The following SNAPC3 variants were observed in gnomAD, a reference collection of about 807,000 sequenced individuals.
SNAPC3 encodes small nuclear RNA activating complex polypeptide 3.
A neutral mutation model predicts 47.7 loss-of-function variants in SNAPC3; 56 were observed. The observed-to-expected ratio is 1.18, with a 90% CI of 0.95 to 1.47. The LOEUF is 1.47. Among genes scored for constraint, SNAPC3 ranks in the 40% most tolerant of loss-of-function variants. The pLI is 0.00. For missense variants in SNAPC3, 665 were observed against 511.3 expected, an observed-to-expected ratio of 1.30 and a Z score of -2.90; for synonymous variants, 235 against 189.9, an observed-to-expected ratio of 1.24 and a Z score of -1.95.
chr9:15,466,685 G>GAACTGTGATTAAAAACCTGAATAATAA, downstream of SNAPC3: 1 of 1,307,890 alleles, frequency 7.6e-7, no homozygotes, highest in African/African-American at 1.5e-5. Context: ...CCTTGGAACA[G>GAACTGTGATTAAAAACCTGAATAATAA]AACTGTGATT....
chr9:15,423,244 G>T (rs748306656), intron 1 of SNAPC3, 51 bp downstream of exon 1: 1 of 1,493,286 alleles, frequency 6.7e-7, no homozygotes, highest in Non-Finnish European at 8.9e-7. Flanking sequence ...ACAGGGTGCA[G>T]CCTTGCTCGT....
intron 3 of SNAPC3, among the ~76,000 whole-genome samples, chr9:15,440,274 C>T (rs1369619508): frequency 6.6e-6 from 1 of 152,158 alleles, no homozygotes; most frequent in Non-Finnish European, 1.5e-5. Context: ...TAGCAGTATT[C>T]TTTATTTCTT....
downstream of SNAPC3, chr9:15,462,294 CTAT>C (rs1262703666): frequency 6.6e-6 from 1 of 152,086 alleles, no homozygotes; most frequent in Non-Finnish European, 1.5e-5. Context: ...ACTCAGGTAC[CTAT>C]TATTGTTCCC....
chr9:15,442,460 G>A (rs1324372722), intron 3 of SNAPC3, among the ~76,000 whole-genome samples: 77 of 151,206 alleles, frequency 5.1e-4, no homozygotes, highest in Non-Finnish European at 8.0e-4. Flanking sequence ...CAGACGGGGC[G>A]GCTGCTGGGC....
intron 3 of SNAPC3, among the ~76,000 whole-genome samples, chr9:15,437,359 A>G (rs2032920366): frequency 6.6e-6 from 1 of 151,908 alleles, no homozygotes; most frequent in Admixed American, 6.6e-5. Context: ...CAGCCTCCTG[A>G]GTAGCTGGGA....
chr9:15,447,187 C>G lies in SNAPC3; in HGVS notation c.675C>G (p.Leu225=). 6.2e-7 allele frequency: 1 copy of G among 1,614,046 alleles called. No individual in the cohort carries two copies. Among genetic ancestry groups the G allele is most frequent in the Non-Finnish European group, 8.5e-7 (1 of 1,179,908 alleles). ...LRDSIRCVSD[L]QIGGEFSNTP... is the part of the protein sequence containing the mutation. ...ATTCAATTCGATGTGTCAGTGACCT[C>G]CAGATTGGTGGTGAATTCAGCAACA... Residue 225 remains leucine (L), a synonymous_variant, in exon 5 of 9, where the codon CTC becomes CTG. Transcript: ENST00000380821.
chr9:15,433,491 T>C, intron 2 of SNAPC3, 61 bp from the exon 3 acceptor site: 1 of 1,036,284 alleles, frequency 9.6e-7, no homozygotes, highest in Non-Finnish European at 1.5e-6. Context: ...AAATATGTTT[T>C]TGAAGCCCGA....
chr9:15,464,406 T>C (rs539021133), downstream of SNAPC3: 3 of 197,168 alleles, frequency 1.5e-5, no homozygotes, highest in Admixed American at 1.2e-4. Flanking sequence ...ATTCAAAATA[T>C]CTTAGAAATG....
rs149861385 is a variant in SNAPC3 at position 15,457,056 on chromosome 9, G to A, written c.981-904G>A. On this transcript the variant is annotated intron_variant, in intron 7 of 8. Coordinates refer to ENST00000380821, the MANE Select transcript of SNAPC3 (RefSeq NM_001039697.2). ...TTTAAAGGATTTACCCAAAGCCATGGAGCTGATTAGTGGCAGAGTAGAGAT... is the reference window on the plus strand; with the variant it reads ...TTTAAAGGATTTACCCAAAGCCATGAAGCTGATTAGTGGCAGAGTAGAGAT... Among the ~76,000 whole-genome samples, 472 of 152,204 alleles carry A rather than the reference G, an allele frequency of 3.1e-3. 2 individuals are homozygous for A. The highest frequency in any genetic ancestry group is 0.01 in the Middle Eastern group (3 of 294).
intron 3 of SNAPC3, among the ~76,000 whole-genome samples, chr9:15,436,870 C>T (rs866478623): frequency 4.1e-4 from 56 of 137,294 alleles, no homozygotes; most frequent in Middle Eastern, 4.5e-3. Flanking sequence ...GTTGCCCAGG[C>T]TGGAGTGCAA....
intron 4 of SNAPC3, among the ~76,000 whole-genome samples, chr9:15,445,418 T>A (rs528423634): frequency 6.6e-6 from 1 of 152,304 alleles, no homozygotes; most frequent in Non-Finnish European, 1.5e-5. Flanking sequence ...CAGAGACAGC[T>A]CTTCTTTGAT....
intron 7 of SNAPC3, among the ~76,000 whole-genome samples, chr9:15,454,491 C>T (rs1037007583): frequency 4.6e-5 from 7 of 152,198 alleles, no homozygotes; most frequent in African/African-American, 1.7e-4. Context: ...GAGAGCTTTA[C>T]ACCAGACCCA....
intron 2 of SNAPC3, among the ~76,000 whole-genome samples, chr9:15,430,679 C>T (rs2032024195): frequency 6.6e-6 from 1 of 152,086 alleles, no homozygotes; most frequent in Admixed American, 6.6e-5. Context: ...TTATTCCTTG[C>T]AGTATTGTTT....
downstream of SNAPC3, chr9:15,463,159 C>T (rs984936035): frequency 1.3e-5 from 2 of 149,552 alleles, no homozygotes; most frequent in East Asian, 3.9e-4. Flanking sequence ...TCTGCAATTT[C>T]TCCAAGCAGC....
chr9:15,441,733 A>T (rs1282750056), intron 3 of SNAPC3, among the ~76,000 whole-genome samples: 6 of 152,190 alleles, frequency 3.9e-5, no homozygotes. Context: ...GATTAACAGC[A>T]TCCCAAGGCA....
At position 15,441,204 on chromosome 9, in the gene SNAPC3, C is replaced by T. The variant is rs188966448; in HGVS notation, c.478-3398C>T. On this transcript the variant is annotated intron_variant, in intron 3 of 8. Transcript: ENST00000380821. ...TGTAACGTCTTTTTTTTTTATTTAACGTTATTATTATTTTTTTAATTTCAT... is the reference window on the plus strand; with the variant it reads ...TGTAACGTCTTTTTTTTTTATTTAATGTTATTATTATTTTTTTAATTTCAT... 2.3e-3 allele frequency among the ~76,000 whole-genome samples: 345 copies of T among 148,354 alleles called. 2 individuals carry two copies. Among genetic ancestry groups the T allele is most frequent in the Non-Finnish European group, 3.8e-3 (258 of 67,240 alleles).
At chr9:15,464,458 T>C (rs964174656), downstream of SNAPC3, 4 of 200,780 alleles carry the variant, frequency 2.0e-5, no homozygotes, top group Non-Finnish European at 4.1e-5. Flanking sequence ...GTAACATTGA[T>C]TTTACCCTGG....
intron 3 of SNAPC3, among the ~76,000 whole-genome samples, chr9:15,438,296 C>G (rs577588590): frequency 6.6e-6 from 1 of 152,014 alleles, no homozygotes. Flanking sequence ...TCTTCTAATC[C>G]TTTTTTTCCT....
At chr9:15,453,867 A>C (rs571360304) in intron 7 of SNAPC3, among the ~76,000 whole-genome samples, 1 of 152,326 alleles carries the variant, frequency 6.6e-6, no homozygotes, top group East Asian at 1.9e-4. Flanking sequence ...TTGTGGAACA[A>C]TAATGTACCT....
Sources: allele counts gnomAD v4.1 joint callset (sites outside exome capture counted in the v4.1 genomes callset), GRCh38; gene constraint gnomAD v4.1.1; transcripts MANE v1.5; gene names NCBI Gene and HGNC (gene_info 2026-07-23, HGNC 2026-07-21).